Variants in A2M observed in about 807,000 individuals in gnomAD.
A2M encodes alpha-2-macroglobulin, also known as C3 and PZP-like alpha-2-macroglobulin domain-containing protein 5.
Under a neutral mutation model 183.9 loss-of-function variants are expected in A2M, and 128 were observed. The ratio of observed to expected loss-of-function variants is 0.70; its 90% confidence interval spans 0.60 to 0.81. The LOEUF (loss-of-function observed/expected upper bound fraction) is 0.81, where lower values mean the gene tolerates loss of function less well. Ranked by LOEUF, A2M falls within the 30% of genes least tolerant of loss-of-function variation. The probability of loss-of-function intolerance (pLI) is 0.00; values close to 1 mark genes in which losing one functional copy is unlikely to be tolerated. For synonymous variants in A2M, 592 were observed against 670.8 expected (o/e 0.88, Z 1.81); for missense variants, 1,495 against 1,787.6 (o/e 0.84, Z 2.95).
At position 9,081,166 on chromosome 12, in the gene A2M, G is replaced by A. The variant is rs778953539; in HGVS notation, c.2771-989C>T. ...GAATTAGTGTCATACAACTGAGTCAGAAAAAAACTACTCAAAAGACAAATA... is the reference window on the plus strand; with the variant it reads ...GAATTAGTGTCATACAACTGAGTCAAAAAAAAACTACTCAAAAGACAAATA... On this transcript the variant is annotated intron_variant, in intron 22 of 35. Coordinates refer to ENST00000318602, the MANE Select transcript of A2M (RefSeq NM_000014.6). Among the ~76,000 whole-genome samples, 3 of 152,028 alleles carry A rather than the reference G, an allele frequency of 2.0e-5. No individual in the cohort carries two copies. In the East Asian group the frequency reaches 5.8e-4, roughly 29 times the overall value.
chr12:9,078,634 T>C (rs905344084), intron 25 of A2M, among the ~76,000 whole-genome samples: 2 of 152,240 alleles, frequency 1.3e-5, no homozygotes, highest in Non-Finnish European at 2.9e-5. Flanking sequence ...CCACAATGGT[T>C]GAACAAATTT....
At position 9,109,881 on chromosome 12, in the gene A2M, G is replaced by A. The variant is rs1183645699; in HGVS notation, c.659C>T (p.Thr220Ile). 1.9e-6 allele frequency: 3 copies of A among 1,605,716 alleles called. No individual in the cohort carries two copies. The highest frequency in any genetic ancestry group is 2.7e-5 in the African/African-American group (2 of 74,580). Reference protein sequence around the residue: ...KSGGRTEHPFTVEEFVLPKFE... With the variant: ...KSGGRTEHPFIVEEFVLPKFE... ...ATGATCCATACCAAATTCCTCCACG[G>A]TGAAAGGGTGCTCTGTCCTTCCACC... Residue 220 changes from threonine (T) to isoleucine (I), a missense_variant, in exon 6 of 36, where the codon ACC becomes ATC. Transcript: ENST00000318602.
upstream of A2M, chr12:9,115,991 T>G: frequency 2.8e-6 from 2 of 715,064 alleles, no homozygotes; most frequent in South Asian, 3.0e-5. Context: ...ACACAAGATC[T>G]CTAAACAAAG....
intron 18 of A2M, among the ~76,000 whole-genome samples, chr12:9,092,311 C>A (rs1427220199): frequency 6.6e-6 from 1 of 152,154 alleles, no homozygotes. Context: ...TCACCTAGCT[C>A]CAGGAGTAGA....
intron 10 of A2M, among the ~76,000 whole-genome samples, chr12:9,105,331 G>A (rs2137916720): frequency 6.6e-6 from 1 of 152,270 alleles, no homozygotes; most frequent in African/African-American, 2.4e-5. Flanking sequence ...ATATTTAACA[G>A]CAATAAAATG....
intron 17 of A2M, among the ~76,000 whole-genome samples, chr12:9,094,006 GA>G (rs1354161452): frequency 1.3e-5 from 2 of 152,108 alleles, no homozygotes; most frequent in Non-Finnish European, 1.5e-5. Flanking sequence ...CAGAGGCTTG[GA>G]TTGTCTGTGG....
At chr12:9,090,535 A>G in intron 19 of A2M, 53 bp from the exon 20 acceptor site, 7 of 1,590,162 alleles carry the variant, frequency 4.4e-6, no homozygotes, top group South Asian at 3.3e-5. Context: ...CAGAGGGAGA[A>G]TGGGTTTGAA....
At position 9,090,366 on chromosome 12, in the gene A2M, T is replaced by C. The variant is rs776292253; in HGVS notation, c.2586A>G (p.Pro862=). ...CAGTTTTTTGCTCACCTAATGACTT[T>C]GGGGTTACTGCCCAGGACACAGTTT... is the stretch of plus-strand genomic sequence containing the variant. The part of the protein sequence containing the change: ...GRQTVSWAVT[P]KSLGNVNFTV... Residue 862 remains proline, a synonymous_variant, in exon 20 of 36, where the codon CCA becomes CCG. Coordinates refer to ENST00000318602, the MANE Select transcript of A2M (RefSeq NM_000014.6). 6.2e-6 allele frequency: 10 copies of C among 1,613,926 alleles called. No individual in the cohort carries two copies. In the East Asian group the frequency reaches 6.7e-5, roughly 11 times the overall value.
chr12:9,068,355 C>A, intron 34 of A2M, 131 bp from the exon 35 acceptor site: 2 of 891,756 alleles, frequency 2.2e-6, no homozygotes, highest in Admixed American at 2.5e-5. Context: ...GAAACATAAG[C>A]ATCATTCATC....
chr12:9,112,764 T>A, intron 2 of A2M: 1 of 526,604 alleles, frequency 1.9e-6, no homozygotes, highest in South Asian at 2.2e-5. Flanking sequence ...GTAAGTGAGA[T>A]TCACACCTTC....
intron 22 of A2M, among the ~76,000 whole-genome samples, chr12:9,084,242 C>A (rs916160865): frequency 6.6e-6 from 1 of 151,986 alleles, no homozygotes; most frequent in Non-Finnish European, 1.5e-5. Context: ...TACAAAAACA[C>A]AAAAGCACAA....
intron 17 of A2M, among the ~76,000 whole-genome samples, chr12:9,094,026 G>C (rs1437381147): frequency 1.3e-5 from 2 of 152,116 alleles, no homozygotes; most frequent in Non-Finnish European, 2.9e-5. Flanking sequence ...GGGGCACAAG[G>C]ACTCTGTGGA....
intron 6 of A2M, among the ~76,000 whole-genome samples, 168 bp downstream of exon 6, chr12:9,109,692 TGAAGTCC>T (rs1368165608): frequency 1.1e-4 from 17 of 152,204 alleles, no homozygotes; most frequent in Non-Finnish European, 2.2e-4. Flanking sequence ...CGAAGCTATG[TGAAGTCC>T]TATTCACAGA....
At chr12:9,102,733 G>A (rs1384638833) in intron 11 of A2M, among the ~76,000 whole-genome samples, 1 of 152,104 alleles carries the variant, frequency 6.6e-6, no homozygotes, top group Non-Finnish European at 1.5e-5. Context: ...ACACATATAT[G>A]ATCACCCCAA....
intron 25 of A2M, among the ~76,000 whole-genome samples, chr12:9,078,899 T>A (rs2137699416): frequency 6.6e-6 from 1 of 152,352 alleles, no homozygotes; most frequent in Admixed American, 6.5e-5. Flanking sequence ...TGTGACAATA[T>A]AAGCTGAAGT....
chr12:9,086,288 GT>G (rs915381410), intron 22 of A2M, among the ~76,000 whole-genome samples: 2 of 152,176 alleles, frequency 1.3e-5, no homozygotes, highest in Non-Finnish European at 1.5e-5. Flanking sequence ...ACACCTGTGG[GT>G]GGCTGAGGTG....
intron 25 of A2M, 141 bp from the exon 26 acceptor site, chr12:9,077,998 T>C (rs1338102331): frequency 4.2e-6 from 4 of 951,672 alleles, no homozygotes; most frequent in Admixed American, 2.4e-5. Context: ...GATTAATCTT[T>C]AGTCTGCCTG....
intron 5 of A2M, 39 bp downstream of exon 5, chr12:9,110,275 T>C: frequency 2.1e-6 from 3 of 1,419,788 alleles, no homozygotes; most frequent in Middle Eastern, 1.7e-4. Context: ...CCTATATGTA[T>C]TGCTTTCCTT....
chr12:9,087,219 A>G (rs939535409), intron 22 of A2M, among the ~76,000 whole-genome samples: 5 of 137,758 alleles, frequency 3.6e-5, no homozygotes, highest in Non-Finnish European at 7.8e-5. Flanking sequence ...TACATATTGA[A>G]TGTAATCCCT....
Sources: allele counts gnomAD v4.1 joint callset (sites outside exome capture counted in the v4.1 genomes callset), GRCh38; gene constraint gnomAD v4.1.1; transcripts MANE v1.5; gene names NCBI Gene and HGNC (gene_info 2026-07-23, HGNC 2026-07-21).